COX16: variants seen among roughly 807,000 people sequenced by gnomAD.
COX16 encodes the protein cytochrome c oxidase assembly protein COX16 homolog, mitochondrial.
COX16 carries 12 observed loss-of-function variants against 15.4 expected under a neutral mutation model. The ratio of observed to expected loss-of-function variants is 0.78; its 90% CI spans 0.50 to 1.26. The LOEUF (loss-of-function observed/expected upper bound fraction) is 1.26. Ranked by LOEUF, COX16 falls within the 50% of genes most tolerant of loss-of-function variation. The pLI is 0.00. For missense variants in COX16, 124 were observed against 127.6 expected (o/e 0.97, Z 0.14); for synonymous variants, 46 against 41.1 (o/e 1.12, Z -0.46).
Position 70,350,777 on chromosome 14 carries a change from G to C in COX16, c.70-8048C>G, listed in dbSNP as rs974682332. Among the ~76,000 whole-genome samples the C allele has an allele frequency of 2.5e-4, 38 of 152,256 alleles. 1 individual carries two copies. Among genetic ancestry groups the C allele is most frequent in the Admixed American group, 1.6e-3 (25 of 15,296 alleles). Reference sequence around the variant, plus strand: ...TACAATTAAAAATGAACAAACAATAGTTCATCCAATTCATTTGGTTAATTC... The same window carrying C: ...TACAATTAAAAATGAACAAACAATACTTCATCCAATTCATTTGGTTAATTC... On this transcript the variant is annotated intron_variant, in intron 1 of 3. Transcript: ENST00000389912.
intron 1 of COX16, among the ~76,000 whole-genome samples, chr14:70,347,913 A>G (rs1886830457): frequency 6.6e-6 from 1 of 151,996 alleles, no homozygotes; most frequent in South Asian, 2.1e-4. Context: ...CCAAGACACT[A>G]AAGGCCCTCT....
At chr14:70,357,927 C>T (rs1373839404) in intron 1 of COX16, among the ~76,000 whole-genome samples, 5 of 152,184 alleles carry the variant, frequency 3.3e-5, no homozygotes, top group African/African-American at 9.6e-5. Context: ...CATACTTCCA[C>T]ACAAAGCGTG....
chr14:70,355,097 T>C (rs548316589), intron 1 of COX16, among the ~76,000 whole-genome samples: 2 of 152,302 alleles, frequency 1.3e-5, no homozygotes, highest in African/African-American at 2.4e-5. Flanking sequence ...TCCCACCAGA[T>C]ACCAACCTCT....
chr14:70,331,597 C>G (rs1350925310), intron 2 of COX16, among the ~76,000 whole-genome samples: 1 of 152,116 alleles, frequency 6.6e-6, no homozygotes, highest in Non-Finnish European at 1.5e-5. Context: ...TCGTAACACA[C>G]CCACCAGAAT....
chr14:70,351,356 GTATA>G (rs1594925537), intron 1 of COX16, among the ~76,000 whole-genome samples: 2 of 152,124 alleles, frequency 1.3e-5, no homozygotes, highest in South Asian at 4.1e-4. Flanking sequence ...ACACAAAAGT[GTATA>G]TAAAGCATTA....
rs372184950 is a variant in COX16 at position 70,359,630 on chromosome 14, C to A, written c.-43G>T. 4.5e-6 allele frequency: 7 copies of A among 1,569,348 alleles called. No homozygotes were observed. The African/African-American group carries it at 9.4e-5, about 21-fold the overall frequency. On this transcript the variant is annotated 5_prime_UTR_variant, in exon 1 of 4. Coordinates refer to ENST00000389912, the MANE Select transcript of COX16 (RefSeq NM_016468.7). ...GGCTCAGAACTCCAAGCGGGCCTAGCGCAGACTCCCAAATCTCAGCAGCTC... is the reference window on the plus strand; with the variant it reads ...GGCTCAGAACTCCAAGCGGGCCTAGAGCAGACTCCCAAATCTCAGCAGCTC...
chr14:70,354,524 A>G (rs1043772213), intron 1 of COX16, among the ~76,000 whole-genome samples: 1 of 152,176 alleles, frequency 6.6e-6, no homozygotes, highest in African/African-American at 2.4e-5. Flanking sequence ...CTGGACAGTG[A>G]AACTTGGTTG....
At chr14:70,333,093 C>G (rs866313359) in intron 2 of COX16, among the ~76,000 whole-genome samples, 2 of 152,338 alleles carry the variant, frequency 1.3e-5, no homozygotes, top group Middle Eastern at 3.4e-3. Flanking sequence ...GGAACACCCT[C>G]TGAAGAAGGA....
Position 70,354,397 on chromosome 14 carries a change from T to C in COX16, c.69+5122A>G, listed in dbSNP as rs367609992. Reference sequence around the variant, plus strand: ...ACTAGAGGGCTGGGGCTTTGAGCTATGTGATATCAACCCAACCTCCAAACC... The same window carrying C: ...ACTAGAGGGCTGGGGCTTTGAGCTACGTGATATCAACCCAACCTCCAAACC... On this transcript the variant is annotated intron_variant, in intron 1 of 3. Coordinates refer to ENST00000389912, the MANE Select transcript of COX16 (RefSeq NM_016468.7). Among the ~76,000 whole-genome samples the C allele has an allele frequency of 1.4e-3, 209 of 152,310 alleles. 2 individuals are homozygous for C. The highest frequency in any genetic ancestry group is 4.7e-3 in the African/African-American group (196 of 41,566).
In COX16 at chr14:70,359,197, C is replaced by G; in HGVS notation, c.69+322G>C. The stretch of plus-strand genomic sequence containing the variant: ...CTTAAAGTGTGGTTCTGACTGAATT[C>G]TCTGAGCTTCAATTTACTTAACTGT... On this transcript the variant is annotated intron_variant, in intron 1 of 3. Coordinates refer to ENST00000389912, the MANE Select transcript of COX16 (RefSeq NM_016468.7). The G allele has an allele frequency of 6.1e-6, 3 of 489,600 alleles. No individual in the cohort carries two copies. In the East Asian group the frequency reaches 1.7e-4, roughly 28 times the overall value. 30.3% of individuals were successfully genotyped at this position (489,600 alleles called of 1,614,324 possible).
At chr14:70,358,376 T>TTTA (rs1275265832) in intron 1 of COX16, among the ~76,000 whole-genome samples, 56 of 119,940 alleles carry the variant, frequency 4.7e-4, no homozygotes, top group African/African-American at 2.0e-3. Context: ...CAACAATTTT[T>TTTA]TTTTTTTTTT....
intron 1 of COX16, among the ~76,000 whole-genome samples, chr14:70,346,159 T>C (rs187194555): frequency 1.2e-3 from 177 of 152,264 alleles, no homozygotes; most frequent in African/African-American, 3.8e-3. Flanking sequence ...AACCTTCGGT[T>C]CATCTCCCAA....
At chr14:70,328,333 T>C (rs1288462318) in intron 3 of COX16, 2 of 151,868 alleles carry the variant, frequency 1.3e-5, no homozygotes, top group Admixed American at 6.6e-5. Context: ...AATTAAATTG[T>C]CAAAATAAAA....
At chr14:70,356,425 A>G (rs1887128022) in intron 1 of COX16, among the ~76,000 whole-genome samples, 1 of 152,186 alleles carries the variant, frequency 6.6e-6, no homozygotes, top group South Asian at 2.1e-4. Context: ...CCTACTGTGC[A>G]GCCCAGTTCC....
In COX16 at chr14:70,330,689, C is replaced by T. The variant is rs928353264; in HGVS notation, c.142-1453G>A. Among the ~76,000 whole-genome samples the T allele has an allele frequency of 1.2e-4, 18 of 152,178 alleles. No homozygotes were observed. The South Asian group carries it at 2.9e-3, about 25-fold the overall frequency. On this transcript the variant is annotated intron_variant, in intron 2 of 3. Coordinates refer to ENST00000389912, the MANE Select transcript of COX16 (RefSeq NM_016468.7). ...AATGTAATTTGCAAACAAACTAATG[C>T]GACAGAACAGAGAATCCTGAAGCAG...
chr14:70,349,618 A>C (rs1403116417), intron 1 of COX16, among the ~76,000 whole-genome samples: 1 of 152,178 alleles, frequency 6.6e-6, no homozygotes, highest in East Asian at 1.9e-4. Flanking sequence ...CAACTCACCA[A>C]GCTGGCTCTA....
intron 2 of COX16, among the ~76,000 whole-genome samples, chr14:70,330,544 A>G (rs1886250403): frequency 6.6e-6 from 1 of 152,208 alleles, no homozygotes; most frequent in South Asian, 2.1e-4. Flanking sequence ...GGCCAGCTTC[A>G]TATATGAACA....
rs570975945 is a variant in COX16 at position 70,353,059 on chromosome 14, A to G, written c.69+6460T>C. ...GGGAGAATCACGAGGTCAGGAGTTC[A>G]AGACCAGCCTGGCCAATACGGTGAA... is the stretch of plus-strand genomic sequence containing the variant. On this transcript the variant is annotated intron_variant, in intron 1 of 3. Coordinates refer to ENST00000389912, the MANE Select transcript of COX16 (RefSeq NM_016468.7). 1.3e-4 allele frequency among the ~76,000 whole-genome samples: 20 copies of G among 152,118 alleles called. No homozygotes were observed. In the South Asian group the frequency reaches 3.7e-3, roughly 28 times the overall value.
At chr14:70,342,530 C>T in intron 2 of COX16, 128 bp downstream of exon 2, 2 of 809,900 alleles carry the variant, frequency 2.5e-6, no homozygotes, top group Non-Finnish European at 3.6e-6. Flanking sequence ...AAGAAAAAAA[C>T]AAAGATCACA....
Sources: allele counts gnomAD v4.1 joint callset (sites outside exome capture counted in the v4.1 genomes callset), GRCh38; gene constraint gnomAD v4.1.1; transcripts MANE v1.5; gene names NCBI Gene and HGNC (gene_info 2026-07-23, HGNC 2026-07-21).